The following ITGA2B variants were observed in gnomAD, a reference collection of about 807,000 sequenced individuals.
ITGA2B encodes the protein integrin alpha-IIb.
In ITGA2B, 91 loss-of-function variants were observed where a neutral mutation model predicts 142.0. That is an observed-to-expected ratio of 0.64 (90% CI 0.54 to 0.76). The LOEUF is 0.76. Among genes scored for constraint, ITGA2B ranks in the 30% least tolerant of loss-of-function variants. The pLI, the probability that ITGA2B is intolerant of heterozygous loss-of-function variation, is 0.00. For synonymous variants in ITGA2B, 536 were observed against 567.2 expected (o/e 0.94, Z 0.78); for missense variants, 1,231 against 1,350.8 (o/e 0.91, Z 1.39).
Position 44,385,710 on chromosome 17 carries a change from C to T in ITGA2B, c.415G>A (p.Ala139Thr). 2 of 1,613,570 alleles carry T rather than the reference C, an allele frequency of 1.2e-6. No homozygotes were observed. The highest frequency in any genetic ancestry group is 1.7e-6 in the Non-Finnish European group (2 of 1,179,998). The change falls in exon 4 of 30, where the codon GCC becomes ACC. Residue 139 changes from alanine (A) to threonine (T), a missense_variant. Transcript: ENST00000262407. ...VSWSDVIVAC[A>T]PWQHWNVLEK... ...AGGACGTTCCAGTGCTGCCAGGGGGCGCAGGCCTGGAGAAAGGCCACAGGA... is the reference window on the plus strand; with the variant it reads ...AGGACGTTCCAGTGCTGCCAGGGGGTGCAGGCCTGGAGAAAGGCCACAGGA...
Position 44,385,938 on chromosome 17 carries a change from G to GGGGT in ITGA2B, c.311-21_311-18dup. The GGGGT allele has an allele frequency of 6.2e-7, 1 of 1,613,996 alleles. No individual in the cohort carries two copies. Among genetic ancestry groups the GGGGT allele is most frequent in the African/African-American group, 1.3e-5 (1 of 75,062 alleles). On this transcript the variant is annotated splice_polypyrimidine_tract_variant and intron_variant, in intron 2 of 29. Coordinates refer to ENST00000262407, the MANE Select transcript of ITGA2B (RefSeq NM_000419.5). ...TCTCATCACCTGGAAGGCACAAGAAGGGGTGGGGCGCTGAAGCCCGGCAGT... is the reference window on the plus strand; with the variant it reads ...TCTCATCACCTGGAAGGCACAAGAAGGGGTGGGTGGGGCGCTGAAGCCCGGCAGT...
At chr17:44,383,003 G>T (rs1357873071) in intron 12 of ITGA2B, among the ~76,000 whole-genome samples, 2 of 152,080 alleles carry the variant, frequency 1.3e-5, no homozygotes, top group African/African-American at 4.8e-5. Flanking sequence ...TCTTGTGGAA[G>T]CGGGGAGAGC....
intron 29 of ITGA2B, chr17:44,373,991 C>T (rs1217260482): frequency 4.9e-5 from 12 of 245,000 alleles, no homozygotes; most frequent in Middle Eastern, 1.6e-3. Flanking sequence ...CTGCAACCTC[C>T]GCCTCCTGGG....
rs114232872 is a variant in ITGA2B at position 44,377,758 on chromosome 17, C to T, written c.2127G>A (p.Lys709=). The change falls in exon 21 of 30, where the codon AAG becomes AAA. Residue 709 remains lysine, a synonymous_variant. Coordinates refer to ENST00000262407, the MANE Select transcript of ITGA2B (RefSeq NM_000419.5). ...ACAGCACCACCCTGGTCTCATTCTCCTTCTTCTGATTACAGATGAGTCTCT... is the reference window on the plus strand; with the variant it reads ...ACAGCACCACCCTGGTCTCATTCTCTTTCTTCTGATTACAGATGAGTCTCT... ...GFERLICNQK[K]ENETRVVLCE... 1,524 of 1,613,950 alleles carry T rather than the reference C, an allele frequency of 9.4e-4. 11 individuals are homozygous for T. The African/African-American group carries it at 0.016, about 17-fold the overall frequency.
rs184663172 is a variant in ITGA2B at position 44,372,526 on chromosome 17, G to A, written c.3061-103C>T. The A allele has an allele frequency of 7.4e-5, 72 of 974,446 alleles. 2 individuals carry two copies. In the Admixed American group the frequency reaches 1.1e-3, roughly 15 times the overall value. 60.4% of individuals were successfully genotyped at this position (974,446 alleles called of 1,614,324 possible). A position where few individuals can be genotyped will look rare whatever the true frequency, so the allele number is the denominator to read the frequency against. ...GCTATGAGCACCTCCCTGGACCAGCGCAGAACATGAAGCCCACTGTACTCA... is the reference window on the plus strand; with the variant it reads ...GCTATGAGCACCTCCCTGGACCAGCACAGAACATGAAGCCCACTGTACTCA... On this transcript the variant is annotated intron_variant, in intron 29 of 29. Transcript: ENST00000262407.
At chr17:44,377,233 T>A (rs1316203796) in intron 21 of ITGA2B, 145 bp from the exon 22 acceptor site, 1 of 701,656 alleles carries the variant, frequency 1.4e-6, no homozygotes, top group East Asian at 2.8e-5. Context: ...TCTCACTCTG[T>A]CACCCAGGCT....
intron 17 of ITGA2B, 87 bp downstream of exon 17, chr17:44,379,915 C>T: frequency 6.2e-7 from 1 of 1,612,922 alleles, no homozygotes; most frequent in Admixed American, 1.7e-5. Context: ...ACTCACAGCA[C>T]CCAGCTCAGT....
rs1318135933 is a variant in ITGA2B, at chr17:44,385,710, C to G, written c.415G>C (p.Ala139Pro). ...AGGACGTTCCAGTGCTGCCAGGGGG[C>G]GCAGGCCTGGAGAAAGGCCACAGGA... Reference protein sequence around the residue: ...VSWSDVIVACAPWQHWNVLEK... With the variant: ...VSWSDVIVACPPWQHWNVLEK... The change falls in exon 4 of 30, where the codon GCC (alanine) becomes CCC (proline). Residue 139 changes from alanine (A) to proline (P), a missense_variant. Ala to Pro is a conservative substitution (Grantham distance 27). This residue lies in a region of ITGA2B where 318 missense variants were observed against 312.2 expected (regional missense o/e 1.02). Transcript: ENST00000262407. The G allele has an allele frequency of 6.2e-7, 1 of 1,613,454 alleles. No homozygotes were observed. Among genetic ancestry groups the G allele is most frequent in the Non-Finnish European group, 8.5e-7 (1 of 1,180,006 alleles).
At chr17:44,384,449 A>AGGAAGATTTCCCTACATAG in intron 8 of ITGA2B, 89 bp downstream of exon 8, 1 of 1,609,072 alleles carries the variant, frequency 6.2e-7, no homozygotes, top group Non-Finnish European at 8.5e-7. Flanking sequence ...ATGTGTGTGC[A>AGGAAGATTTCCCTACATAG]GGAAGATTTC....
Position 44,375,980 on chromosome 17 carries a change from G to A in ITGA2B, c.2454C>T (p.His818=). 2 of 1,614,152 alleles carry A rather than the reference G, an allele frequency of 1.2e-6. No homozygotes were observed. Among genetic ancestry groups the A allele is most frequent in the Non-Finnish European group, 8.5e-7 (1 of 1,180,014 alleles). Residue 818 remains histidine, a synonymous_variant, in exon 25 of 30, where the codon CAC becomes CAT. Coordinates refer to ENST00000262407, the MANE Select transcript of ITGA2B (RefSeq NM_000419.5). Reference sequence around the variant, plus strand: ...CATTCACAGTCCCAGGGCCATTGTTGTGGAGCTGAAGGGGTGGTGGTGGCA... The same window carrying A: ...CATTCACAGTCCCAGGGCCATTGTTATGGAGCTGAAGGGGTGGTGGTGGCA... ...GPKVEHTYEL[H]NNGPGTVNGL...
At chr17:44,380,728 C>A in intron 13 of ITGA2B, 83 bp from the exon 14 acceptor site, 1 of 1,600,914 alleles carries the variant, frequency 6.2e-7, no homozygotes, top group Non-Finnish European at 8.6e-7. Flanking sequence ...CCCCACACCA[C>A]CTCCCCCACT....
chr17:44,384,738 G>C lies in ITGA2B; in HGVS notation c.800-153C>G, dbSNP rs72824741. Among the ~76,000 whole-genome samples, 6,508 of 152,336 alleles carry C rather than the reference G, an allele frequency of 0.043. 206 individuals are homozygous for C. The highest frequency in any genetic ancestry group is 0.054 in the Middle Eastern group (16 of 294). On this transcript the variant is annotated intron_variant, in intron 7 of 29. Transcript: ENST00000262407. The stretch of plus-strand genomic sequence containing the variant: ...TTCGAGGGGCCAAGCCCTGCCCCAG[G>C]CTGCGCTACGAGTCCGCAGTGGAAG...
chr17:44,384,635 G>C (rs769140385), intron 7 of ITGA2B, 50 bp from the exon 8 acceptor site: 2 of 1,598,280 alleles, frequency 1.3e-6, no homozygotes, highest in East Asian at 4.5e-5. Context: ...AAGCACAGAG[G>C]GGACGGAGGG....
intron 4 of ITGA2B, 106 bp from the exon 5 acceptor site, chr17:44,385,441 T>C (rs1372066308): frequency 8.0e-6 from 11 of 1,381,638 alleles, no homozygotes; most frequent in African/African-American, 1.8e-5. Flanking sequence ...GGCGGGGCCC[T>C]GGGGCGAGGC....
In ITGA2B at chr17:44,375,858, G is replaced by A. The variant is rs1598376642; in HGVS notation, c.2576C>T (p.Pro859Leu). The change falls in exon 25 of 30, where the codon CCA becomes CTA. Residue 859 changes from proline (P) to leucine (L), a missense_variant. Around this residue, in one of 3 missense-constraint regions of ITGA2B, gnomAD observed 908 missense variants for 1,021.1 expected, o/e 0.89. Coordinates refer to ENST00000262407, the MANE Select transcript of ITGA2B (RefSeq NM_000419.5). ...CTTGAGAGGGTTGACAGGAGGCTGTGGGAAGCACTGAAGGCCCCCCTGGGG... is the reference window on the plus strand; with the variant it reads ...CTTGAGAGGGTTGACAGGAGGCTGTAGGAAGCACTGAAGGCCCCCCTGGGG... ...IQPQGGLQCFPQPPVNPLKVD... is the reference protein window; with the variant it reads ...IQPQGGLQCFLQPPVNPLKVD... 2.5e-6 allele frequency: 4 copies of A among 1,593,292 alleles called. No individual in the cohort carries two copies. The highest frequency in any genetic ancestry group is 3.4e-6 in the Non-Finnish European group (4 of 1,170,130).
intron 10 of ITGA2B, 41 bp from the exon 11 acceptor site, chr17:44,383,987 G>A (rs2143478592): frequency 1.9e-6 from 3 of 1,613,936 alleles, no homozygotes; most frequent in Admixed American, 3.3e-5. Context: ...CGCTGGACAA[G>A]CATCCTCTTT....
intron 1 of ITGA2B, among the ~76,000 whole-genome samples, chr17:44,389,044 T>C (rs1200664186): frequency 6.6e-6 from 1 of 152,094 alleles, no homozygotes; most frequent in Non-Finnish European, 1.5e-5. Flanking sequence ...CATCAACTCT[T>C]GTCTTCCCTT....
Sources: allele counts gnomAD v4.1 joint callset (sites outside exome capture counted in the v4.1 genomes callset), GRCh38; gene constraint gnomAD v4.1.1; regional missense constraint gnomAD v4.1.1; transcripts MANE v1.5; gene names NCBI Gene and HGNC (gene_info 2026-07-23, HGNC 2026-07-21).